Variants in CCDC178 observed in about 807,000 individuals in gnomAD.
CCDC178 encodes coiled-coil domain-containing protein 178.
In CCDC178, 126 loss-of-function variants were observed where a neutral mutation model predicts 117.4. The observed-to-expected ratio is 1.07, with a 90% CI of 0.93 to 1.24. CCDC178 has a LOEUF of 1.24. Ranked by LOEUF, CCDC178 falls within the 50% of genes most tolerant of loss-of-function variation. CCDC178 has a pLI of 0.00. For missense variants in CCDC178, 1,030 were observed against 986.9 expected, an observed-to-expected ratio of 1.04 and a Z score of -0.59; for synonymous variants, 283 against 313.4, an observed-to-expected ratio of 0.90 and a Z score of 1.02.
chr18:33,031,251 T>C (rs892111408), intron 21 of CCDC178, among the ~76,000 whole-genome samples: 14 of 151,904 alleles, frequency 9.2e-5, no homozygotes, highest in African/African-American at 3.4e-4. Context: ...TTTTTTTTTT[T>C]TTTAAATGGA....
At chr18:33,172,317 T>C (rs2058611584) in intron 20 of CCDC178, among the ~76,000 whole-genome samples, 1 of 152,092 alleles carries the variant, frequency 6.6e-6, no homozygotes, top group South Asian at 2.1e-4. Flanking sequence ...TTGACAAAAA[T>C]CTCCTGTCCC....
At chr18:33,249,301 G>C (rs544537545) in intron 14 of CCDC178, among the ~76,000 whole-genome samples, 1 of 152,232 alleles carries the variant, frequency 6.6e-6, no homozygotes, top group East Asian at 1.9e-4. Flanking sequence ...TTTGGCTTTT[G>C]TTGCCATTGC....
intron 11 of CCDC178, among the ~76,000 whole-genome samples, chr18:33,310,824 TC>T (rs753875760): frequency 6.6e-5 from 10 of 152,208 alleles, no homozygotes; most frequent in Non-Finnish European, 1.5e-4. Flanking sequence ...GACATACAGT[TC>T]CCTTATTCCC....
chr18:33,148,701 C>A (rs190395846), intron 20 of CCDC178, among the ~76,000 whole-genome samples: 3 of 152,134 alleles, frequency 2.0e-5, no homozygotes, highest in Non-Finnish European at 4.4e-5. Flanking sequence ...TATGCAGATA[C>A]CTTGTCTTCT....
chr18:32,978,993 C>T (rs1370493145), intron 21 of CCDC178, among the ~76,000 whole-genome samples: 3 of 149,904 alleles, frequency 2.0e-5, no homozygotes, highest in Non-Finnish European at 3.0e-5. Context: ...GCAGAGATCG[C>T]GCCATTCCTC....
At chr18:33,333,752 TCCA>T (rs1467473274) in intron 9 of CCDC178, among the ~76,000 whole-genome samples, 3 of 151,964 alleles carry the variant, frequency 2.0e-5, no homozygotes, top group Non-Finnish European at 2.9e-5. Flanking sequence ...CCTCAGGTGG[TCCA>T]CCTGCCTCGG....
At chr18:33,006,455 T>G (rs542902797) in intron 21 of CCDC178, among the ~76,000 whole-genome samples, 1 of 152,268 alleles carries the variant, frequency 6.6e-6, no homozygotes, top group South Asian at 2.1e-4. Context: ...ATATGAACAA[T>G]ATCAGTCATA....
intron 9 of CCDC178, among the ~76,000 whole-genome samples, chr18:33,338,062 T>C (rs1327270807): frequency 6.6e-6 from 1 of 151,506 alleles, no homozygotes; most frequent in Non-Finnish European, 1.5e-5. Context: ...CCAGAAAAAA[T>C]CAAATAATCC....
chr18:33,317,726 A>G (rs1197369062), intron 11 of CCDC178, among the ~76,000 whole-genome samples: 1 of 152,162 alleles, frequency 6.6e-6, no homozygotes, highest in African/African-American at 2.4e-5. Context: ...GTGAATATAC[A>G]GAAAAGGGGA....
chr18:33,428,048 T>C (rs2064145253), intron 2 of CCDC178, among the ~76,000 whole-genome samples: 1 of 152,202 alleles, frequency 6.6e-6, no homozygotes, highest in South Asian at 2.1e-4. Flanking sequence ...TCAAAATTCT[T>C]ATGAAAAAAC....
intron 20 of CCDC178, among the ~76,000 whole-genome samples, chr18:33,175,841 G>A (rs1327442072): frequency 6.6e-6 from 1 of 152,094 alleles, no homozygotes; most frequent in African/African-American, 2.4e-5. Context: ...TACTGTCATT[G>A]GAATAACACA....
chr18:33,326,183 T>A (rs1411730346), intron 10 of CCDC178, among the ~76,000 whole-genome samples: 1 of 152,134 alleles, frequency 6.6e-6, no homozygotes, highest in Admixed American at 6.5e-5. Context: ...AGCTTATGGG[T>A]GGCAACCAGT....
At chr18:32,966,541 T>A (rs892738951) in intron 22 of CCDC178, among the ~76,000 whole-genome samples, 1 of 151,922 alleles carries the variant, frequency 6.6e-6, no homozygotes, top group Admixed American at 6.6e-5. Context: ...TTAATTAATA[T>A]AACTTTTTGA....
At chr18:33,003,355 T>C (rs914781658) in intron 21 of CCDC178, among the ~76,000 whole-genome samples, 1 of 152,190 alleles carries the variant, frequency 6.6e-6, no homozygotes, top group Admixed American at 6.5e-5. Context: ...GTGGGATTTA[T>C]CCCAGGGATA....
At chr18:33,267,813 A>G (rs193169154) in intron 12 of CCDC178, among the ~76,000 whole-genome samples, 2 of 151,694 alleles carry the variant, frequency 1.3e-5, no homozygotes, top group Admixed American at 1.3e-4. Flanking sequence ...GAAGAATTCT[A>G]TTTAAAACAA....
At chr18:33,309,944 TTTATTTATTTATTTATTTA>T (rs1167107092) in intron 11 of CCDC178, among the ~76,000 whole-genome samples, 3 of 3,974 alleles carry the variant, frequency 7.5e-4, no homozygotes, top group African/African-American at 9.1e-4. Context: ...TTTTCTTTTA[TTTATTTATTTATTTATTTA>T]TTTATTTATT....
chr18:33,136,769 C>T (rs999589116), intron 20 of CCDC178, among the ~76,000 whole-genome samples: 1 of 152,008 alleles, frequency 6.6e-6, no homozygotes, highest in Non-Finnish European at 1.5e-5. Context: ...ATCTTGAAGA[C>T]CTATATTATT....
chr18:33,136,871 T>C (rs907950073), intron 20 of CCDC178, among the ~76,000 whole-genome samples: 3 of 152,330 alleles, frequency 2.0e-5, no homozygotes, highest in East Asian at 3.9e-4. Context: ...AAATTATCTA[T>C]GTGATCTATT....
At chr18:33,146,421 G>A (rs1023092303) in intron 20 of CCDC178, among the ~76,000 whole-genome samples, 1 of 152,190 alleles carries the variant, frequency 6.6e-6, no homozygotes, top group Non-Finnish European at 1.5e-5. Flanking sequence ...CTTGGGAGAC[G>A]AGGTAGGAAG....
Sources: gnomAD v4.1 joint callset for allele counts (sites outside exome capture counted in the v4.1 genomes callset) on GRCh38, gnomAD v4.1.1 for gene constraint, MANE v1.5 for transcripts, NCBI Gene and HGNC (gene_info 2026-07-23, HGNC 2026-07-21) for gene names.